The following SMARCC1 variants were observed in gnomAD, a reference collection of about 807,000 sequenced individuals.
The protein encoded by SMARCC1 is SWI/SNF complex subunit SMARCC1.
In SMARCC1, 43 loss-of-function variants were observed where a neutral mutation model predicts 147.4. The ratio of observed to expected loss-of-function variants is 0.29; its 90% CI spans 0.23 to 0.38. SMARCC1 has a LOEUF of 0.38. Ranked by LOEUF, SMARCC1 falls within the 10% of genes least tolerant of loss-of-function variation. SMARCC1 has a pLI of 1.00. For missense variants in SMARCC1, 1,119 were observed against 1,381.1 expected (o/e 0.81, Z 3.01); for synonymous variants, 495 against 484.4 (o/e 1.02, Z -0.29).
chr3:47,653,263 C>G (rs866769986), intron 21 of SMARCC1, among the ~76,000 whole-genome samples: 10 of 152,330 alleles, frequency 6.6e-5, no homozygotes, highest in Admixed American at 3.3e-4. Flanking sequence ...GGCCGCTTTA[C>G]TTTCATTTCA....
At chr3:47,704,958 A>C (rs1038022500) in intron 10 of SMARCC1, among the ~76,000 whole-genome samples, 5 of 149,440 alleles carry the variant, frequency 3.3e-5, no homozygotes, top group African/African-American at 1.2e-4. Flanking sequence ...AAAAGAATGT[A>C]GGCCAGGCAC....
Position 47,710,746 on chromosome 3 carries a change from A to G in SMARCC1, c.855T>C (p.Tyr285=), listed in dbSNP as rs1362295298. ...CAGGCTTCCTATTTTCATCCACCTC[A>G]TAATCCTCCTCATTCATCCATTCAT... ...IFNEWMNEED[Y]EVDENRKPVS... The change falls in exon 9 of 28, where the codon TAT becomes TAC. Residue 285 remains tyrosine (Y), a synonymous_variant. Transcript: ENST00000254480. 2 of 1,613,338 alleles carry G rather than the reference A, an allele frequency of 1.2e-6. No homozygotes were observed. Among genetic ancestry groups the G allele is most frequent in the Non-Finnish European group, 8.5e-7 (1 of 1,179,448 alleles).
chr3:47,632,236 A>T (rs2032901197), intron 24 of SMARCC1, among the ~76,000 whole-genome samples: 1 of 152,178 alleles, frequency 6.6e-6, no homozygotes, highest in African/African-American at 2.4e-5. Context: ...CTTTGTGCCC[A>T]AAGTTGCACA....
intron 24 of SMARCC1, among the ~76,000 whole-genome samples, chr3:47,627,846 G>C (rs60783347): frequency 6.6e-6 from 1 of 151,592 alleles, no homozygotes; most frequent in African/African-American, 2.4e-5. Context: ...TCAGCCTCCC[G>C]AGTAGATAGG....
At chr3:47,645,729 T>C (rs1389911762) in intron 21 of SMARCC1, among the ~76,000 whole-genome samples, 2 of 152,226 alleles carry the variant, frequency 1.3e-5, no homozygotes, top group African/African-American at 2.4e-5. Flanking sequence ...CGCAAAGATA[T>C]CTGCTTTTGA....
intron 25 of SMARCC1, among the ~76,000 whole-genome samples, chr3:47,621,111 C>T (rs1387552515): frequency 6.6e-6 from 1 of 151,956 alleles, no homozygotes; most frequent in Non-Finnish European, 1.5e-5. Context: ...ACCATCCTGG[C>T]CAACATGGTG....
At chr3:47,694,920 G>A (rs2033829838) in intron 11 of SMARCC1, among the ~76,000 whole-genome samples, 1 of 152,202 alleles carries the variant, frequency 6.6e-6, no homozygotes, top group Non-Finnish European at 1.5e-5. Flanking sequence ...TAGGATTCTA[G>A]TCCTTTGTTA....
intron 2 of SMARCC1, among the ~76,000 whole-genome samples, chr3:47,771,701 T>G (rs1225970661): frequency 6.6e-6 from 1 of 151,824 alleles, no homozygotes; most frequent in African/African-American, 2.4e-5. Flanking sequence ...CCAAGATCAC[T>G]CCACTGCACT....
intron 21 of SMARCC1, among the ~76,000 whole-genome samples, chr3:47,659,078 A>G (rs1016054459): frequency 3.5e-5 from 5 of 142,940 alleles, no homozygotes; most frequent in Non-Finnish European, 7.5e-5. Context: ...AGACCACACC[A>G]TTGCACTCCA....
chr3:47,776,297 A>T (rs1377151225), intron 1 of SMARCC1, among the ~76,000 whole-genome samples: 1 of 152,174 alleles, frequency 6.6e-6, no homozygotes, highest in East Asian at 1.9e-4. Flanking sequence ...TACACGGTAA[A>T]GCAACATAAA....
chr3:47,730,252 C>T (rs896507548), intron 5 of SMARCC1, among the ~76,000 whole-genome samples: 4 of 152,118 alleles, frequency 2.6e-5, no homozygotes, highest in Non-Finnish European at 2.9e-5. Flanking sequence ...CTTTGGAAGG[C>T]TGAAGTGAAA....
At chr3:47,668,748 G>A (rs1279615833) in intron 19 of SMARCC1, among the ~76,000 whole-genome samples, 1 of 152,102 alleles carries the variant, frequency 6.6e-6, no homozygotes, top group Non-Finnish European at 1.5e-5. Flanking sequence ...AGCCAGGCAT[G>A]GTGGTGCACA....
intron 18 of SMARCC1, among the ~76,000 whole-genome samples, chr3:47,671,059 C>T (rs188496228): frequency 4.0e-5 from 6 of 151,146 alleles, no homozygotes; most frequent in African/African-American, 1.5e-4. Flanking sequence ...GTGGTTCATG[C>T]CTATAGTCCC....
chr3:47,756,331 C>G (rs980929962), intron 2 of SMARCC1, among the ~76,000 whole-genome samples: 1 of 151,806 alleles, frequency 6.6e-6, no homozygotes, highest in Non-Finnish European at 1.5e-5. Flanking sequence ...GTCAGGAGTT[C>G]GAGACCAGCC....
chr3:47,688,638 C>G (rs1172968471), intron 13 of SMARCC1, among the ~76,000 whole-genome samples: 2 of 152,102 alleles, frequency 1.3e-5, no homozygotes, highest in Non-Finnish European at 2.9e-5. Flanking sequence ...ATCGCTACAG[C>G]AGAATTCATA....
chr3:47,586,525 C>T lies in SMARCC1; in HGVS notation c.*1684G>A, dbSNP rs2032074524. ...CCAGTACTCTGATGGTGACCAGGGA[C>T]ACCTGGTTAGAGGCAAACCTGAGGG... On this transcript the variant is annotated 3_prime_UTR_variant, in exon 28 of 28. Transcript: ENST00000254480. 1 of 152,610 alleles carries T rather than the reference C, an allele frequency of 6.6e-6. No individual in the cohort carries two copies. Among genetic ancestry groups the T allele is most frequent in the Non-Finnish European group, 1.5e-5 (1 of 68,038 alleles). The allele number at this position is 152,610 out of a possible 1,614,324, so 9.5% of individuals were successfully genotyped here.
intron 21 of SMARCC1, among the ~76,000 whole-genome samples, chr3:47,653,148 A>G (rs910435909): frequency 2.8e-4 from 43 of 152,140 alleles, no homozygotes; most frequent in African/African-American, 6.5e-4. Context: ...TAGTAGAGAC[A>G]GGGTTTCACC....
intron 24 of SMARCC1, among the ~76,000 whole-genome samples, 164 bp downstream of exon 24, chr3:47,635,026 T>C (rs533658359): frequency 6.6e-6 from 1 of 152,222 alleles, no homozygotes; most frequent in Non-Finnish European, 1.5e-5. Context: ...ACTATTTCTA[T>C]AACCCTCCTC....
intron 19 of SMARCC1, among the ~76,000 whole-genome samples, chr3:47,667,872 T>C (rs930468183): frequency 3.3e-5 from 5 of 151,876 alleles, no homozygotes; most frequent in African/African-American, 9.7e-5. Context: ...TGAGATTCCT[T>C]CTCAAAGAAA....
Sources: gnomAD v4.1 joint callset for allele counts (sites outside exome capture counted in the v4.1 genomes callset) on GRCh38, gnomAD v4.1.1 for gene constraint, MANE v1.5 for transcripts, NCBI Gene and HGNC (gene_info 2026-07-23, HGNC 2026-07-21) for gene names.